LENG8: variants seen among roughly 807,000 people sequenced by gnomAD.
The protein encoded by LENG8 is leukocyte receptor cluster (LRC) member 8.
LENG8 carries 28 observed loss-of-function variants against 102.1 expected under a neutral mutation model. That is an observed-to-expected ratio of 0.27 (90% CI 0.20 to 0.38). LENG8 has a LOEUF of 0.38. Ranked by LOEUF, LENG8 falls within the 10% of genes least tolerant of loss-of-function variation. The pLI is 1.00. For missense variants in LENG8, 1,022 were observed against 1,113.9 expected (o/e 0.92, Z 1.17); for synonymous variants, 531 against 456.7 (o/e 1.16, Z -2.07).
At position 54,456,402 on chromosome 19, in the gene LENG8, A is replaced by G; in HGVS notation, c.1382A>G (p.Lys461Arg). The stretch of plus-strand genomic sequence containing the variant: ...GTGGGCCGCAGGAACCCGCCCCCTA[A>G]GGGCCGGGGCGGTCGAGGGGCCCAT... ...HPVGRRNPPPKGRGGRGAHMD... is the reference protein window; with the variant it reads ...HPVGRRNPPPRGRGGRGAHMD... The change falls in exon 10 of 16, where the codon AAG becomes AGG. Residue 461 changes from lysine to arginine, a missense_variant. Physicochemically the swap from Lys to Arg is conservative, Grantham distance 26 (BLOSUM62 2). Around this residue, in one of 7 missense-constraint regions of LENG8, gnomAD observed 326 missense variants for 324.5 expected, o/e 1.00. Coordinates refer to ENST00000326764, the MANE Select transcript of LENG8 (RefSeq NM_052925.4). 6 of 1,611,374 alleles carry G rather than the reference A, an allele frequency of 3.7e-6. No homozygotes were observed. The highest frequency in any genetic ancestry group is 5.1e-6 in the Non-Finnish European group (6 of 1,179,848).
Position 54,457,966 on chromosome 19 carries a change from G to C in LENG8, c.1866G>C (p.Glu622Asp). 6.2e-7 allele frequency: 1 copy of C among 1,613,850 alleles called. No individual in the cohort carries two copies. The highest frequency in any genetic ancestry group is 8.5e-7 in the Non-Finnish European group (1 of 1,180,042). ...GCATCCGCACCGAGTTCACGGTGGA[G>C]GTGTACGAGACCCATGCCCGGATCG... is the stretch of plus-strand genomic sequence containing the variant. ...VQGIRTEFTV[E>D]VYETHARIAL... is the part of the protein sequence containing the mutation. Residue 622 changes from glutamate (E) to aspartate (D), a missense_variant, in exon 13 of 16, where the codon GAG becomes GAC. Coordinates refer to ENST00000326764, the MANE Select transcript of LENG8 (RefSeq NM_052925.4).
chr19:54,461,473 G>T lies in LENG8; in HGVS notation c.*545G>T, dbSNP rs183600073. The T allele has an allele frequency of 1.0e-3, 463 of 462,592 alleles. 1 individual carries two copies. Among genetic ancestry groups the T allele is most frequent in the African/African-American group, 8.9e-3 (445 of 50,150 alleles). The allele number at this position is 462,592 out of a possible 1,614,324, so 28.7% of individuals were successfully genotyped here. ...TGCTTAGAGACTGTGCCCGTCCTCG[G>T]CCCCCCACCCTGAAGTGCCAGCACC... is the stretch of plus-strand genomic sequence containing the variant. On this transcript the variant is annotated 3_prime_UTR_variant, in exon 16 of 16. Coordinates refer to ENST00000326764, the MANE Select transcript of LENG8 (RefSeq NM_052925.4).
chr19:54,452,048 A>G, intron 2 of LENG8, 45 bp from the exon 3 acceptor site: 2 of 1,566,586 alleles, frequency 1.3e-6, no homozygotes, highest in African/African-American at 1.3e-5. Context: ...CCACCTGTGT[A>G]CAGTGGGGAG....
chr19:54,452,779 C>G, intron 4 of LENG8, 27 bp downstream of exon 4: 3 of 1,550,898 alleles, frequency 1.9e-6, no homozygotes, highest in Non-Finnish European at 2.7e-6. Context: ...TGGGGCGGGG[C>G]AGGGCGAGGT....
At position 54,460,959 on chromosome 19, in the gene LENG8, C is replaced by T. The variant is rs1480439762; in HGVS notation, c.*31C>T. ...CAGCGAGGAGGGGCGGGGGCAGGGG[C>T]TGCAGCCCCCAGCGCTGCCTTTGCG... On this transcript the variant is annotated 3_prime_UTR_variant, in exon 16 of 16. Coordinates refer to ENST00000326764, the MANE Select transcript of LENG8 (RefSeq NM_052925.4). 3 of 1,538,876 alleles carry T rather than the reference C, an allele frequency of 1.9e-6. No homozygotes were observed. The highest frequency in any genetic ancestry group is 2.6e-6 in the Non-Finnish European group (3 of 1,146,794).
chr19:54,456,156 C>T lies in LENG8; in HGVS notation c.1215C>T (p.Asn405=), dbSNP rs1240058152. The T allele has an allele frequency of 1.1e-5, 18 of 1,611,044 alleles. No homozygotes were observed. Among genetic ancestry groups the T allele is most frequent in the Middle Eastern group, 1.6e-4 (1 of 6,068 alleles). ...GNSFTKFGNR[N]VFMKDNSSSS... is the part of the protein sequence containing the mutation. ...GCTTCACCAAGTTTGGCAACCGCAA[C>T]GTCTTCATGAAGGACAACAGCTCTT... Residue 405 remains asparagine (N), a synonymous_variant, in exon 9 of 16, where the codon AAC becomes AAT. Transcript: ENST00000326764.
In LENG8 at chr19:54,454,425, T is replaced by A; in HGVS notation, c.427-5T>A. 1 of 1,597,824 alleles carries A rather than the reference T, an allele frequency of 6.3e-7. No homozygotes were observed. The highest frequency in any genetic ancestry group is 1.1e-5 in the South Asian group (1 of 89,614). On this transcript the variant is annotated splice_polypyrimidine_tract_variant and splice_region_variant and intron_variant, in intron 5 of 15. Coordinates refer to ENST00000326764, the MANE Select transcript of LENG8 (RefSeq NM_052925.4). ...CCCGTGCTCAGCGCCTGCTTCCTTC[T>A]GCAGCCCCCAGTCCCCGGCATGGAT...
intron 15 of LENG8, chr19:54,460,515 G>A (rs2084477330): frequency 1.2e-5 from 16 of 1,378,768 alleles, no homozygotes; most frequent in East Asian, 1.1e-4. Flanking sequence ...TTCCCTGCCC[G>A]TCCCCGCTCC....
rs1189956179 is a variant in LENG8 at position 54,456,201 on chromosome 19, C to T, written c.1260C>T (p.Arg420=). 1.9e-6 allele frequency: 3 copies of T among 1,612,000 alleles called. No individual in the cohort carries two copies. Among genetic ancestry groups the T allele is most frequent in the Non-Finnish European group, 2.5e-6 (3 of 1,178,750 alleles). ...DNSSSSSTDS[R]SRSSSRSPTR... ...GCTCTTCTTCCAGCACAGACTCCCGCTCCCGCTCCTCCTCCAGGTCCCCGA... is the reference window on the plus strand; with the variant it reads ...GCTCTTCTTCCAGCACAGACTCCCGTTCCCGCTCCTCCTCCAGGTCCCCGA... The change falls in exon 9 of 16, where the codon CGC becomes CGT. Residue 420 remains arginine, a synonymous_variant. Transcript: ENST00000326764.
At chr19:54,459,764 G>C (rs2084435163) in intron 15 of LENG8, 1 of 1,081,568 alleles carries the variant, frequency 9.2e-7, no homozygotes, top group African/African-American at 1.7e-5. Flanking sequence ...CTGAGCCAGG[G>C]TAGGAGTCAC....
In LENG8 at chr19:54,461,263, AC is replaced by A. The variant is rs1282011041; in HGVS notation, c.*338del. On this transcript the variant is annotated 3_prime_UTR_variant, in exon 16 of 16. Transcript: ENST00000326764. ...CTCTCTTTCGAGCTTGCACTCCGGT[AC>A]CCGACCCGGCGCCCTGGCCCATCCC... is the stretch of plus-strand genomic sequence containing the variant. The A allele has an allele frequency of 4.0e-6, 2 of 503,608 alleles. No individual in the cohort carries two copies. Among genetic ancestry groups the A allele is most frequent in the South Asian group, 3.2e-5 (2 of 62,754 alleles). The allele number at this position is 503,608 out of a possible 1,614,324, so 31.2% of individuals were successfully genotyped here.
chr19:54,454,196 G>A lies in LENG8; in HGVS notation c.427-234G>A, dbSNP rs1232370396. Among the ~76,000 whole-genome samples, 3 of 152,120 alleles carry A rather than the reference G, an allele frequency of 2.0e-5. No individual in the cohort carries two copies. In the East Asian group the frequency reaches 5.8e-4, roughly 29 times the overall value. On this transcript the variant is annotated intron_variant, in intron 5 of 15. Transcript: ENST00000326764. ...GCCAGCTGCCGCTTCATAGCTTAGG[G>A]CCCTGGGAAGTCGCTTAGTCTCTGA... is the stretch of plus-strand genomic sequence containing the variant.
In LENG8 at chr19:54,461,813, C is replaced by T. The variant is rs1460319534; in HGVS notation, c.*885C>T. On this transcript the variant is annotated 3_prime_UTR_variant, in exon 16 of 16. Transcript: ENST00000326764. ...CCCTTTTCTTTTTGGCCCTCCCTCC[C>T]TCCCTCTTCTGCCATGTAACTGGAG... The T allele has an allele frequency of 3.3e-6, 2 of 600,282 alleles. No individual in the cohort carries two copies. Among genetic ancestry groups the T allele is most frequent in the Admixed American group, 2.2e-5 (1 of 46,198 alleles). 37.2% of individuals were successfully genotyped at this position (600,282 alleles called of 1,614,324 possible). A position where few individuals can be genotyped will look rare whatever the true frequency, so the allele number is the denominator to read the frequency against.
intron 15 of LENG8, chr19:54,460,537 C>T (rs545963134): frequency 8.3e-4 from 1,168 of 1,407,286 alleles, no homozygotes; most frequent in Admixed American, 2.6e-3. Flanking sequence ...CCCTGGCCCC[C>T]GCACAGGTAA....
At chr19:54,453,469 G>A (rs2084057285) in intron 4 of LENG8, 77 bp from the exon 5 acceptor site, 17 of 873,290 alleles carry the variant, frequency 1.9e-5, no homozygotes, top group South Asian at 1.9e-4. Flanking sequence ...GGTCATGGCT[G>A]GTGTAGTTCC....
Position 54,461,900 on chromosome 19 carries a change from C to T in LENG8, c.*972C>T, listed in dbSNP as rs1022400130. On this transcript the variant is annotated 3_prime_UTR_variant, in exon 16 of 16. Transcript: ENST00000326764. ...GCTGCTTTTTTTCCAGATGTTCCTC[C>T]TCTGCCTCCCCTTCCCCTCCTCTCC... is the stretch of plus-strand genomic sequence containing the variant. 4.9e-6 allele frequency: 4 copies of T among 818,444 alleles called. No individual in the cohort carries two copies. In the African/African-American group the frequency reaches 5.0e-5, roughly 10 times the overall value. 50.7% of individuals were successfully genotyped at this position (818,444 alleles called of 1,614,324 possible). A position where few individuals can be genotyped will look rare whatever the true frequency, so the allele number is the denominator to read the frequency against.
chr19:54,455,899 G>A, intron 8 of LENG8, 68 bp from the exon 9 acceptor site: 2 of 1,518,334 alleles, frequency 1.3e-6, no homozygotes, highest in South Asian at 2.4e-5. Context: ...TACCTTGAGG[G>A]AGGTGGTGGC....
In LENG8 at chr19:54,454,689, T is replaced by C; in HGVS notation, c.679+7T>C. On this transcript the variant is annotated splice_region_variant and intron_variant, in intron 6 of 15. Transcript: ENST00000326764. The stretch of plus-strand genomic sequence containing the variant: ...CTGTGGAACCGCATGAAACGTAAGT[T>C]GGCAGAGCTACGTGGAGGTCCGAGC... The C allele has an allele frequency of 6.3e-7, 1 of 1,585,888 alleles. No individual in the cohort carries two copies. Among genetic ancestry groups the C allele is most frequent in the Non-Finnish European group, 8.6e-7 (1 of 1,167,744 alleles).
rs552109938 is a variant in LENG8 at position 54,460,175 on chromosome 19, G to A, written c.2241-591G>A. The A allele has an allele frequency of 1.3e-5, 17 of 1,289,988 alleles. No individual in the cohort carries two copies. In the East Asian group the frequency reaches 7.2e-4, roughly 55 times the overall value. The allele number at this position is 1,289,988 out of a possible 1,614,324, so 79.9% of individuals were successfully genotyped here. On this transcript the variant is annotated intron_variant, in intron 15 of 15. Transcript: ENST00000326764. ...TTCTAGGACTTAGTGCCCCTCACTC[G>A]GTGCCTGGGTTCCTGTGTGTGTGGA...
Sources: gnomAD v4.1 joint callset for allele counts (sites outside exome capture counted in the v4.1 genomes callset) on GRCh38, gnomAD v4.1.1 for gene constraint, gnomAD v4.1.1 regional missense constraint, MANE v1.5 for transcripts, NCBI Gene and HGNC (gene_info 2026-07-23, HGNC 2026-07-21) for gene names.